KLHL1: variants seen among roughly 807,000 people sequenced by gnomAD.
KLHL1 encodes the protein kelch like family member 1.
A neutral mutation model predicts 77.7 loss-of-function variants in KLHL1; 47 were observed. The ratio of observed to expected loss-of-function variants is 0.60; its 90% confidence interval spans 0.48 to 0.77. KLHL1 has a LOEUF of 0.77. Ranked by LOEUF, KLHL1 falls within the 30% of genes least tolerant of loss-of-function variation. The pLI is 0.00. For synonymous variants in KLHL1, 360 were observed against 325.2 expected, an observed-to-expected ratio of 1.11 and a Z score of -1.15; for missense variants, 925 against 910.8, an observed-to-expected ratio of 1.02 and a Z score of -0.20.
Position 69,901,787 on chromosome 13 carries a change from C to CTTTTTTTTTTTTTTTTTTTTT in KLHL1, c.1015-19293_1015-19292insAAAAAAAAAAAAAAAAAAAAA, listed in dbSNP as rs1237100844. On this transcript the variant is annotated intron_variant, in intron 4 of 10. Transcript: ENST00000377844. ...TGAGTTTTTCATTTTCTTTCTTTTTCTTTTTTTCTTTTTTTTTTTTTTTTT... is the reference window on the plus strand; with the variant it reads ...TGAGTTTTTCATTTTCTTTCTTTTTCTTTTTTTTTTTTTTTTTTTTTTTTTTTTCTTTTTTTTTTTTTTTTT... Among the ~76,000 whole-genome samples the CTTTTTTTTTTTTTTTTTTTTT allele has an allele frequency of 2.5e-5, 2 of 80,146 alleles. 1 individual carries two copies. Among genetic ancestry groups the CTTTTTTTTTTTTTTTTTTTTT allele is most frequent in the Non-Finnish European group, 4.9e-5 (2 of 40,736 alleles). The allele number at this position is 80,146 out of a possible 152,430, so 52.6% of individuals were successfully genotyped here.
intron 4 of KLHL1, among the ~76,000 whole-genome samples, chr13:69,906,849 G>GA (rs2138236403): frequency 6.6e-6 from 1 of 151,964 alleles, no homozygotes; most frequent in African/African-American, 2.4e-5. Flanking sequence ...CACTGGAATA[G>GA]AAAAAATATA....
At chr13:69,780,763 C>T (rs1232867689) in intron 7 of KLHL1, among the ~76,000 whole-genome samples, 9 of 123,424 alleles carry the variant, frequency 7.3e-5, no homozygotes, top group African/African-American at 3.0e-4. Flanking sequence ...TATATACACA[C>T]ACATTTATAT....
intron 1 of KLHL1, 47 bp downstream of exon 1, chr13:70,107,156 A>G: frequency 6.5e-7 from 1 of 1,536,142 alleles, no homozygotes; most frequent in Non-Finnish European, 8.8e-7. Flanking sequence ...CGGTGAAATG[A>G]GTGGAAATTG....
chr13:70,103,623 G>A (rs898681941), intron 1 of KLHL1, among the ~76,000 whole-genome samples: 1 of 152,076 alleles, frequency 6.6e-6, no homozygotes, highest in Non-Finnish European at 1.5e-5. Context: ...AGAGATGTGG[G>A]ACATGCATAG....
chr13:70,074,652 A>G (rs1371292331), intron 1 of KLHL1, among the ~76,000 whole-genome samples: 1 of 151,962 alleles, frequency 6.6e-6, no homozygotes, highest in East Asian at 1.9e-4. Context: ...TAATATTCTG[A>G]TGTAGTAGGC....
chr13:69,796,956 G>T lies in KLHL1; in HGVS notation c.1421C>A (p.Thr474Lys). 6.2e-7 allele frequency: 1 copy of T among 1,613,182 alleles called. No individual in the cohort carries two copies. Among genetic ancestry groups the T allele is most frequent in the Non-Finnish European group, 8.5e-7 (1 of 1,179,330 alleles). Reference protein sequence around the residue: ...VGGMDNNKGATTIEKYDLRTN... With the variant: ...VGGMDNNKGAKTIEKYDLRTN... ...TCTCAGATCATATTTCTCTATAGTT[G>T]TAGCTCCTGATAAAACATAAAATCA... The change falls in exon 7 of 11, where the codon ACA becomes AAA. Residue 474 changes from threonine to lysine, a missense_variant. Physicochemically the swap from Thr to Lys is moderately conservative, Grantham distance 78. Coordinates refer to ENST00000377844, the MANE Select transcript of KLHL1 (RefSeq NM_020866.3).
At chr13:70,085,876 AAAAC>A (rs1242623822) in intron 1 of KLHL1, among the ~76,000 whole-genome samples, 4 of 152,186 alleles carry the variant, frequency 2.6e-5, no homozygotes, top group Non-Finnish European at 4.4e-5. Flanking sequence ...AACCACAAAC[AAAAC>A]AAACAAACAA....
intron 1 of KLHL1, among the ~76,000 whole-genome samples, chr13:70,052,415 G>C (rs933255683): frequency 1.3e-5 from 2 of 151,668 alleles, no homozygotes; most frequent in African/African-American, 4.8e-5. Context: ...ACCAAAGAAA[G>C]AGACATCTGT....
chr13:69,733,576 A>G (rs1873641989), intron 8 of KLHL1, among the ~76,000 whole-genome samples: 3 of 152,220 alleles, frequency 2.0e-5, no homozygotes, highest in Non-Finnish European at 4.4e-5. Flanking sequence ...CTTCAACAGA[A>G]GATATACAAA....
rs1051630979 is a variant in KLHL1, at chr13:70,092,506, T to A, written c.497+14697A>T. On this transcript the variant is annotated intron_variant, in intron 1 of 10. Transcript: ENST00000377844. The stretch of plus-strand genomic sequence containing the variant: ...AGCATGTATTTCACAACAAAAGTAA[T>A]ATTTTTGCTTATACTTTATAGCACA... Among the ~76,000 whole-genome samples the A allele has an allele frequency of 5.3e-5, 8 of 152,282 alleles. No individual in the cohort carries two copies. In the East Asian group the frequency reaches 1.5e-3, roughly 29 times the overall value.
intron 6 of KLHL1, among the ~76,000 whole-genome samples, chr13:69,836,988 T>C (rs899991663): frequency 6.6e-6 from 1 of 152,018 alleles, no homozygotes; most frequent in African/African-American, 2.4e-5. Context: ...AATGTAATGA[T>C]GAACACTTGG....
intron 5 of KLHL1, among the ~76,000 whole-genome samples, chr13:69,862,250 A>C (rs1308234405): frequency 6.6e-6 from 1 of 151,632 alleles, no homozygotes. Flanking sequence ...CCCATTCATA[A>C]TAAATGTATG....
At chr13:69,961,752 GCTAA>G (rs1414436603) in intron 2 of KLHL1, among the ~76,000 whole-genome samples, 3 of 151,810 alleles carry the variant, frequency 2.0e-5, no homozygotes, top group African/African-American at 4.8e-5. Context: ...CTTTCACCAT[GCTAA>G]CTTTCCCCCC....
At chr13:69,722,234 C>T (rs1873097071) in intron 8 of KLHL1, among the ~76,000 whole-genome samples, 1 of 151,872 alleles carries the variant, frequency 6.6e-6, no homozygotes. Context: ...ATAAATTATA[C>T]TATTGAGTTA....
intron 6 of KLHL1, among the ~76,000 whole-genome samples, chr13:69,811,499 G>A (rs941495550): frequency 1.3e-5 from 2 of 151,932 alleles, no homozygotes; most frequent in African/African-American, 4.8e-5. Flanking sequence ...AGAGCCATCT[G>A]AGACAAACAC....
chr13:69,739,291 C>T (rs1247133611), intron 8 of KLHL1, among the ~76,000 whole-genome samples: 3 of 152,138 alleles, frequency 2.0e-5, no homozygotes, highest in Non-Finnish European at 4.4e-5. Flanking sequence ...CCAGCCGCAA[C>T]GAAAACACAC....
At chr13:69,726,515 CT>C (rs67866163) in intron 8 of KLHL1, among the ~76,000 whole-genome samples, 7,990 of 152,122 alleles carry the variant, frequency 0.053, 362 homozygotes, top group African/African-American at 0.12. Context: ...TTTCTAGTTG[CT>C]AAGAAATGAT....
chr13:69,816,412 C>T (rs560256680), intron 6 of KLHL1, among the ~76,000 whole-genome samples: 8 of 151,588 alleles, frequency 5.3e-5, no homozygotes, highest in South Asian at 2.1e-4. Flanking sequence ...AGGCATGTGC[C>T]GCCACGCCTG....
chr13:69,987,976 G>A (rs1884918707), intron 1 of KLHL1, among the ~76,000 whole-genome samples: 1 of 151,580 alleles, frequency 6.6e-6, no homozygotes, highest in African/African-American at 2.4e-5. Context: ...TTTTATTTTA[G>A]GTTCAGTGGT....
Sources: gnomAD v4.1 joint callset for allele counts (sites outside exome capture counted in the v4.1 genomes callset) on GRCh38, gnomAD v4.1.1 for gene constraint, MANE v1.5 for transcripts, NCBI Gene and HGNC (gene_info 2026-07-23, HGNC 2026-07-21) for gene names.